EHBP1: variants seen among roughly 807,000 people sequenced by gnomAD.
The protein encoded by EHBP1 is EH domain-binding protein 1.
A neutral mutation model predicts 144.0 loss-of-function variants in EHBP1; 55 were observed. The ratio of observed to expected loss-of-function variants is 0.38; its 90% confidence interval spans 0.31 to 0.48. The LOEUF is 0.48. Ranked by LOEUF, EHBP1 falls within the 20% of genes least tolerant of loss-of-function variation. The pLI, the probability that EHBP1 is intolerant of heterozygous loss-of-function variation, is 0.98. For synonymous variants in EHBP1, 469 were observed against 472.7 expected, an observed-to-expected ratio of 0.99 and a Z score of 0.10; for missense variants, 1,200 against 1,364.2, an observed-to-expected ratio of 0.88 and a Z score of 1.90.
chr2:62,879,604 G>GAA (rs2051214537), intron 10 of EHBP1, among the ~76,000 whole-genome samples: 5 of 148,220 alleles, frequency 3.4e-5, no homozygotes, highest in African/African-American at 1.2e-4. Flanking sequence ...GACAGAGAGA[G>GAA]AGAGAGAGGG....
chr2:62,993,889 C>A lies in EHBP1; in HGVS notation c.2891C>A (p.Ser964Ter). The change falls in exon 18 of 23, where the codon TCA becomes TAA. Residue 964 changes from serine (S) to a stop codon, truncating the protein, a stop_gained. Transcript: ENST00000431489. LOFTEE classifies it high-confidence loss of function. ...TTTTAAGAGATGAAAAGGCAGAGATCAATACAGGAAGATACAAAGAAAGGA... is the reference window on the plus strand; with the variant it reads ...TTTTAAGAGATGAAAAGGCAGAGATAAATACAGGAAGATACAAAGAAAGGA... ...ENRPEMKRQR[S>*]IQEDTKKGNE... 1.3e-6 allele frequency: 2 copies of A among 1,576,318 alleles called. No homozygotes were observed. The highest frequency in any genetic ancestry group is 1.2e-5 in the South Asian group (1 of 84,796).
intron 9 of EHBP1, among the ~76,000 whole-genome samples, chr2:62,868,434 CTT>C (rs2050206034): frequency 6.6e-6 from 1 of 152,070 alleles, no homozygotes; most frequent in Non-Finnish European, 1.5e-5. Context: ...GTCTTAGTGA[CTT>C]TGTATTTGGG....
chr2:62,830,146 A>ATATG, intron 6 of EHBP1, among the ~76,000 whole-genome samples: 1 of 123,250 alleles, frequency 8.1e-6, no homozygotes, highest in East Asian at 2.3e-4. Context: ...ATATATATAT[A>ATATG]TATATAGACA....
chr2:62,766,951 G>A (rs1327498736), intron 4 of EHBP1, among the ~76,000 whole-genome samples: 1 of 135,710 alleles, frequency 7.4e-6, no homozygotes, highest in African/African-American at 2.9e-5. Flanking sequence ...GCAAAAGTGT[G>A]CTTCATTAAA....
intron 7 of EHBP1, among the ~76,000 whole-genome samples, chr2:62,836,442 C>G (rs1433141160): frequency 7.1e-6 from 1 of 140,476 alleles, no homozygotes; most frequent in African/African-American, 2.7e-5. Flanking sequence ...CGTCTCTCCT[C>G]CTCCAAAGGA....
chr2:62,799,019 A>AG (rs1413390462), intron 5 of EHBP1, among the ~76,000 whole-genome samples: 1 of 151,694 alleles, frequency 6.6e-6, no homozygotes, highest in Non-Finnish European at 1.5e-5. Context: ...AAAAAAAAAA[A>AG]AAAAAAGAAA....
chr2:62,951,803 G>T (rs1010090671), intron 13 of EHBP1, among the ~76,000 whole-genome samples: 17 of 152,138 alleles, frequency 1.1e-4, no homozygotes, highest in Non-Finnish European at 2.4e-4. Context: ...GGGATTACAG[G>T]TGTGAGCCAC....
chr2:62,692,811 A>G (rs1308651766), intron 1 of EHBP1, among the ~76,000 whole-genome samples: 3 of 152,074 alleles, frequency 2.0e-5, no homozygotes, highest in Non-Finnish European at 4.4e-5. Context: ...TGATATAGTC[A>G]TATAATGTGT....
chr2:62,903,695 G>A (rs1340485647), intron 10 of EHBP1, among the ~76,000 whole-genome samples: 2 of 152,128 alleles, frequency 1.3e-5, no homozygotes, highest in African/African-American at 2.4e-5. Context: ...GAGCCCAGGA[G>A]GTCAGGGCTG....
intron 8 of EHBP1, among the ~76,000 whole-genome samples, chr2:62,862,325 T>C (rs1573772077): frequency 6.6e-6 from 1 of 152,186 alleles, no homozygotes; most frequent in Non-Finnish European, 1.5e-5. Context: ...ATAAAAGTCA[T>C]TGGCCGGGCA....
intron 10 of EHBP1, among the ~76,000 whole-genome samples, chr2:62,913,404 G>A (rs1310835298): frequency 6.6e-6 from 1 of 152,160 alleles, no homozygotes; most frequent in East Asian, 1.9e-4. Context: ...GAGTTATTTA[G>A]GAGTTTTAAA....
chr2:62,923,741 G>A (rs986913658), intron 10 of EHBP1, among the ~76,000 whole-genome samples: 30 of 152,086 alleles, frequency 2.0e-4, no homozygotes, highest in African/African-American at 6.5e-4. Flanking sequence ...GAAACACTCC[G>A]AGGCCTAAGA....
chr2:62,893,425 A>G (rs956576419), intron 10 of EHBP1, among the ~76,000 whole-genome samples: 11 of 152,218 alleles, frequency 7.2e-5, no homozygotes, highest in Non-Finnish European at 1.2e-4. Context: ...GTGGGTTAGT[A>G]ACACCAGTCA....
At chr2:62,839,879 G>T (rs1377514858) in intron 7 of EHBP1, among the ~76,000 whole-genome samples, 1 of 151,328 alleles carries the variant, frequency 6.6e-6, no homozygotes, top group Non-Finnish European at 1.5e-5. Flanking sequence ...CTCATGGGTA[G>T]GAAGAATCAA....
chr2:62,753,365 A>C (rs2039944576), intron 3 of EHBP1, among the ~76,000 whole-genome samples: 1 of 152,018 alleles, frequency 6.6e-6, no homozygotes, highest in African/African-American at 2.4e-5. Flanking sequence ...TTCTGCCGAG[A>C]GATCTGCTAT....
intron 2 of EHBP1, among the ~76,000 whole-genome samples, chr2:62,734,485 G>T (rs2037922928): frequency 6.8e-6 from 1 of 147,668 alleles, no homozygotes; most frequent in African/African-American, 2.5e-5. Context: ...CAAATCTTTT[G>T]ATTAGTATTA....
intron 19 of EHBP1, among the ~76,000 whole-genome samples, chr2:63,028,730 A>G (rs972681712): frequency 2.6e-4 from 39 of 152,152 alleles, no homozygotes; most frequent in Admixed American, 1.4e-3. Context: ...TAAAAATTAT[A>G]TATATTTAAT....
At position 62,948,453 on chromosome 2, in the gene EHBP1, A is replaced by G. The variant is rs757005275; in HGVS notation, c.1607A>G (p.Tyr536Cys). The G allele has an allele frequency of 8.1e-6, 13 of 1,613,392 alleles. No individual in the cohort carries two copies. The Admixed American group carries it at 8.3e-5, about 10-fold the overall frequency. ...SSKSTYKVGN[Y>C]ETDTNSSVDQ... ...AAAAGCACATATAAAGTTGGAAACTATGAAACAGATACAAACAGTTCTGTT... is the reference window on the plus strand; with the variant it reads ...AAAAGCACATATAAAGTTGGAAACTGTGAAACAGATACAAACAGTTCTGTT... The change falls in exon 13 of 23, where the codon TAT (tyrosine) becomes TGT (cysteine). Residue 536 changes from tyrosine to cysteine, a missense_variant. This residue lies in a region of EHBP1 where 94 missense variants were observed against 143.0 expected (regional missense o/e 0.66). Transcript: ENST00000431489.
intron 10 of EHBP1, among the ~76,000 whole-genome samples, chr2:62,890,911 C>T (rs1471227388): frequency 6.6e-6 from 1 of 152,084 alleles, no homozygotes; most frequent in African/African-American, 2.4e-5. Flanking sequence ...CTGGGCACGG[C>T]GGCTCACGCC....
Sources: gnomAD v4.1 joint callset for allele counts (sites outside exome capture counted in the v4.1 genomes callset) on GRCh38, gnomAD v4.1.1 for gene constraint, gnomAD v4.1.1 regional missense constraint, MANE v1.5 for transcripts, NCBI Gene and HGNC (gene_info 2026-07-23, HGNC 2026-07-21) for gene names.